RANBP2: variants seen among roughly 807,000 people sequenced by gnomAD.
RANBP2 encodes RAN binding protein 2.
Under a neutral mutation model 303.6 loss-of-function variants are expected in RANBP2, and 57 were observed. The ratio of observed to expected loss-of-function variants is 0.19; its 90% CI spans 0.15 to 0.23. RANBP2 has a LOEUF of 0.23. RANBP2 is among the 10% of genes least tolerant of loss of function. The probability of loss-of-function intolerance (pLI) is 1.00; values close to 1 mark genes in which losing one functional copy is unlikely to be tolerated. For synonymous variants in RANBP2, 1,167 were observed against 1,301.5 expected, an observed-to-expected ratio of 0.90 and a Z score of 2.23; for missense variants, 3,138 against 3,780.8, an observed-to-expected ratio of 0.83 and a Z score of 4.46.
At chr2:109,003,683 T>C in the RANBP2 span, among the ~76,000 whole-genome samples, 1 of 152,110 alleles carries the variant, frequency 6.6e-6, no homozygotes, top group Non-Finnish European at 1.5e-5. Flanking sequence ...AGTGCTGGGA[T>C]TACAGAAATG....
chr2:109,423,594 C>T, the RANBP2 span, among the ~76,000 whole-genome samples: 1 of 152,264 alleles, frequency 6.6e-6, no homozygotes, highest in African/African-American at 2.4e-5. Flanking sequence ...GACAATAAGA[C>T]TCGGTAAAAT....
chr2:108,816,003 T>C, the RANBP2 span: 89 of 1,613,740 alleles, frequency 5.5e-5, no homozygotes, highest in East Asian at 1.8e-3. Context: ...TTTCGGATCA[T>C]CATCTTAGCA....
the RANBP2 span, among the ~76,000 whole-genome samples, chr2:109,012,758 C>CA: frequency 2.6e-5 from 4 of 152,182 alleles, no homozygotes; most frequent in East Asian, 1.9e-4. Flanking sequence ...ACTAAAGATA[C>CA]AAAAAATTAG....
the RANBP2 span, among the ~76,000 whole-genome samples, chr2:109,704,557 A>C: frequency 6.6e-6 from 1 of 151,690 alleles, no homozygotes; most frequent in African/African-American, 2.4e-5. Context: ...AAAAATTAAA[A>C]AATTAAAGTA....
chr2:109,041,872 T>A, the RANBP2 span, among the ~76,000 whole-genome samples: 301 of 152,210 alleles, frequency 2.0e-3, 1 homozygote, highest in Middle Eastern at 6.8e-3. Flanking sequence ...AAAAGTTTTT[T>A]CTGCATGTAT....
chr2:109,398,569 C>G, the RANBP2 span: 1 of 1,529,468 alleles, frequency 6.5e-7, no homozygotes, highest in Non-Finnish European at 8.8e-7. Context: ...TGCAGCCTCC[C>G]CTCTCCCCTT....
At position 108,753,603 on chromosome 2, in the gene RANBP2, T is replaced by G. The variant is rs542430073; in HGVS notation, c.2055+40T>G. ...TACTTGAGCTAAAAGTTTTATTTAT[T>G]TATTTATTATTTTTTTAAAAGACGG... On this transcript the variant is annotated intron_variant, in intron 14 of 28. Transcript: ENST00000283195. The G allele has an allele frequency of 1.9e-5, 31 of 1,596,136 alleles. No homozygotes were observed. In the African/African-American group the frequency reaches 3.8e-4, roughly 20 times the overall value.
intron 6 of RANBP2, among the ~76,000 whole-genome samples, chr2:108,737,595 C>T (rs1477417617): frequency 4.8e-5 from 7 of 146,738 alleles, no homozygotes; most frequent in Non-Finnish European, 1.0e-4. Context: ...TCTCGCCAGG[C>T]TGGCATGCAG....
the RANBP2 span, among the ~76,000 whole-genome samples, chr2:108,959,725 G>A: frequency 2.1e-4 from 32 of 152,204 alleles, no homozygotes; most frequent in African/African-American, 5.8e-4. Flanking sequence ...TTTCCCCAGC[G>A]TATGAGAGCC....
At chr2:109,097,177 G>A in the RANBP2 span, among the ~76,000 whole-genome samples, 1 of 152,108 alleles carries the variant, frequency 6.6e-6, no homozygotes. Flanking sequence ...GGTGGCACGT[G>A]CCTGTAGTCC....
At chr2:108,967,982 A>G in the RANBP2 span, among the ~76,000 whole-genome samples, 254 of 152,322 alleles carry the variant, frequency 1.7e-3, 1 homozygote, top group African/African-American at 5.9e-3. Flanking sequence ...GCTCATGCAC[A>G]CAGAACAGGA....
At chr2:109,206,468 G>A in the RANBP2 span, among the ~76,000 whole-genome samples, 1 of 135,592 alleles carries the variant, frequency 7.4e-6, no homozygotes, top group South Asian at 2.4e-4. Flanking sequence ...TCCAGCCTGG[G>A]CGACAGAGTG....
chr2:109,376,974 G>C, the RANBP2 span, among the ~76,000 whole-genome samples: 3 of 152,232 alleles, frequency 2.0e-5, no homozygotes, highest in African/African-American at 7.2e-5. Flanking sequence ...CACCTGTCCC[G>C]GCAGCCAGCA....
At chr2:109,113,485 G>A in the RANBP2 span, among the ~76,000 whole-genome samples, 2 of 152,184 alleles carry the variant, frequency 1.3e-5, no homozygotes, top group African/African-American at 2.4e-5. Flanking sequence ...CATTGATTTT[G>A]TATCCTAAGA....
At chr2:108,956,421 T>G in the RANBP2 span, among the ~76,000 whole-genome samples, 1 of 152,262 alleles carries the variant, frequency 6.6e-6, no homozygotes, top group East Asian at 1.9e-4. Context: ...CTGGCATTCC[T>G]GATGCCACTC....
the RANBP2 span, among the ~76,000 whole-genome samples, chr2:109,204,598 G>T: frequency 6.6e-6 from 1 of 152,132 alleles, no homozygotes; most frequent in Non-Finnish European, 1.5e-5. Flanking sequence ...CATCCTCCAG[G>T]TGCCGGCAGC....
chr2:109,057,845 C>T, the RANBP2 span, among the ~76,000 whole-genome samples: 5 of 152,200 alleles, frequency 3.3e-5, no homozygotes, highest in African/African-American at 1.2e-4. Flanking sequence ...GTGTTTTCTC[C>T]TGCCTGGGTC....
downstream of RANBP2, among the ~76,000 whole-genome samples, chr2:108,789,248 C>T (rs76653570): frequency 6.6e-5 from 10 of 152,104 alleles, no homozygotes; most frequent in Non-Finnish European, 1.5e-4. Context: ...GTTATTCATT[C>T]AGGACCCAAA....
chr2:109,700,460 A>G, the RANBP2 span, among the ~76,000 whole-genome samples: 1 of 152,176 alleles, frequency 6.6e-6, no homozygotes, highest in Non-Finnish European at 1.5e-5. Context: ...CGAAGGCAGG[A>G]GGACTGGAAG....
Sources: gnomAD v4.1 joint callset for allele counts (sites outside exome capture counted in the v4.1 genomes callset) on GRCh38, gnomAD v4.1.1 for gene constraint, MANE v1.5 for transcripts, NCBI Gene and HGNC (gene_info 2026-07-23, HGNC 2026-07-21) for gene names.